ATAD2B: variants seen among roughly 807,000 people sequenced by gnomAD.
The protein encoded by ATAD2B is ATPase family AAA domain-containing protein 2B.
In ATAD2B, 40 loss-of-function variants were observed where a neutral mutation model predicts 167.6. That is an observed-to-expected ratio of 0.24 (90% CI 0.19 to 0.31). The LOEUF is 0.31. Among genes scored for constraint, ATAD2B ranks in the 10% least tolerant of loss-of-function variants. The pLI is 1.00. For synonymous variants in ATAD2B, 579 were observed against 596.5 expected (o/e 0.97, Z 0.43); for missense variants, 1,242 against 1,757.2 (o/e 0.71, Z 5.24).
At chr2:23,685,700 G>GCC in the ATAD2B span, among the ~76,000 whole-genome samples, 1 of 152,224 alleles carries the variant, frequency 6.6e-6, no homozygotes, top group Admixed American at 6.5e-5. Flanking sequence ...CAGGTCTCCT[G>GCC]CCCCCGGTGC....
the ATAD2B span, chr2:23,706,625 C>A: frequency 6.5e-7 from 1 of 1,534,874 alleles, no homozygotes; most frequent in Non-Finnish European, 8.7e-7. Context: ...TGTTCAGACA[C>A]GGCTGCGTCG....
chr2:23,876,733 A>C (rs1482845536), intron 7 of ATAD2B, among the ~76,000 whole-genome samples: 2 of 152,162 alleles, frequency 1.3e-5, no homozygotes, highest in Non-Finnish European at 2.9e-5. Flanking sequence ...ATGTTAACTT[A>C]ATCTTTGAGA....
chr2:23,776,555 C>T (rs1679163423), intron 22 of ATAD2B, among the ~76,000 whole-genome samples: 1 of 152,192 alleles, frequency 6.6e-6, no homozygotes, highest in Admixed American at 6.5e-5. Context: ...TAGTTTCCCA[C>T]TACTCCTCCA....
chr2:23,902,694 T>A (rs981657618), intron 1 of ATAD2B, among the ~76,000 whole-genome samples: 1 of 152,106 alleles, frequency 6.6e-6, no homozygotes, highest in African/African-American at 2.4e-5. Flanking sequence ...ATAAGGGAAA[T>A]AATTTCAGTT....
intron 22 of ATAD2B, among the ~76,000 whole-genome samples, chr2:23,780,448 T>C (rs1679852586): frequency 6.6e-6 from 1 of 152,266 alleles, no homozygotes; most frequent in Non-Finnish European, 1.5e-5. Flanking sequence ...ATTACTGGGT[T>C]GATGCAAAAC....
At chr2:23,695,418 C>T in the ATAD2B span, among the ~76,000 whole-genome samples, 8 of 152,098 alleles carry the variant, frequency 5.3e-5, no homozygotes, top group Admixed American at 3.3e-4. This position sits in a 1 kb window ranked among gnomAD's most constrained non-coding sequence, Gnocchi z 7.6. Context: ...CCCCTCCGCA[C>T]CCCTGCGCTC....
At chr2:23,718,209 C>G in the ATAD2B span, among the ~76,000 whole-genome samples, 7 of 152,104 alleles carry the variant, frequency 4.6e-5, no homozygotes, top group Non-Finnish European at 4.4e-5. Context: ...GTGGGTTTGC[C>G]TTTTACTCCT....
the ATAD2B span, chr2:23,691,713 G>A: frequency 6.4e-7 from 1 of 1,551,814 alleles, no homozygotes; most frequent in South Asian, 1.2e-5. Flanking sequence ...GGGAGAAGCT[G>A]GAGCTCGTCC....
downstream of ATAD2B, among the ~76,000 whole-genome samples, chr2:23,744,909 G>A (rs1370788932): frequency 1.3e-5 from 2 of 152,096 alleles, no homozygotes; most frequent in East Asian, 3.9e-4. Context: ...ATGACAAATT[G>A]TTAACATTTA....
At position 23,810,447 on chromosome 2, in the gene ATAD2B, G is replaced by A. The variant is rs768984293; in HGVS notation, c.2323C>T (p.Arg775Trp). ...AGGTGAGAAGTTTGACCTGAGCCCC[G>A]TTCTCCAGAGAGCAATAAGCGTGGC... ...YRPRLLLSGE[R>W]GSGQTSHLAP... The change falls in exon 18 of 28, where the codon CGG (arginine) becomes TGG (tryptophan). Residue 775 changes from arginine to tryptophan, a missense_variant. Transcript: ENST00000238789. The A allele has an allele frequency of 1.1e-5, 18 of 1,613,766 alleles. No individual in the cohort carries two copies. The highest frequency in any genetic ancestry group is 4.0e-5 in the African/African-American group (3 of 74,900).
chr2:23,694,483 GC>G, the ATAD2B span, among the ~76,000 whole-genome samples: 1 of 152,098 alleles, frequency 6.6e-6, no homozygotes, highest in Non-Finnish European at 1.5e-5. Flanking sequence ...CTCTCTAAAA[GC>G]ACACTGAACA....
chr2:23,693,623 C>T, the ATAD2B span: 12 of 1,283,132 alleles, frequency 9.4e-6, no homozygotes, highest in Non-Finnish European at 1.3e-5. Context: ...GTGAACCTTC[C>T]TTGTCCTGCT....
the ATAD2B span, among the ~76,000 whole-genome samples, chr2:23,719,132 G>C: frequency 6.6e-6 from 1 of 152,196 alleles, no homozygotes; most frequent in Non-Finnish European, 1.5e-5. Flanking sequence ...AAACTAAACT[G>C]ACAATGGAAA....
chr2:23,892,297 G>A (rs1352391160), intron 2 of ATAD2B, among the ~76,000 whole-genome samples: 1 of 152,072 alleles, frequency 6.6e-6, no homozygotes, highest in African/African-American at 2.4e-5. Flanking sequence ...CTGAGTAGCT[G>A]GAACTACAGG....
At chr2:23,869,520 G>C (rs571039124) in intron 9 of ATAD2B, 143 bp downstream of exon 9, 1 of 622,794 alleles carries the variant, frequency 1.6e-6, no homozygotes, top group East Asian at 2.8e-5. Flanking sequence ...TTTATTGAAA[G>C]AAAAGCTAAG....
intron 18 of ATAD2B, among the ~76,000 whole-genome samples, chr2:23,806,526 C>G (rs1684415754): frequency 6.6e-6 from 1 of 152,156 alleles, no homozygotes; most frequent in African/African-American, 2.4e-5. Flanking sequence ...ACTTTTTCCT[C>G]TAGAATTCTC....
intron 18 of ATAD2B, among the ~76,000 whole-genome samples, chr2:23,807,227 T>C (rs1458187396): frequency 6.6e-6 from 1 of 152,180 alleles, no homozygotes; most frequent in Non-Finnish European, 1.5e-5. Context: ...AGAAAAAACA[T>C]CTAAGCTTTG....
At chr2:23,729,312 G>A in the ATAD2B span, among the ~76,000 whole-genome samples, 1 of 152,192 alleles carries the variant, frequency 6.6e-6, no homozygotes, top group African/African-American at 2.4e-5. Context: ...TTAAGTGCAA[G>A]GCAATCACAG....
At chr2:23,764,260 C>A (rs1024392797) in intron 23 of ATAD2B, among the ~76,000 whole-genome samples, 1 of 152,202 alleles carries the variant, frequency 6.6e-6, no homozygotes, top group Non-Finnish European at 1.5e-5. Flanking sequence ...TACTTCTTCC[C>A]GCCAAGGCAA....
Sources: allele counts gnomAD v4.1 joint callset (sites outside exome capture counted in the v4.1 genomes callset), GRCh38; gene constraint gnomAD v4.1.1; non-coding constraint Gnocchi (gnomAD v3.1); transcripts MANE v1.5; gene names NCBI Gene and HGNC (gene_info 2026-07-23, HGNC 2026-07-21).